The following GCNT2 variants were observed in gnomAD, a reference collection of about 807,000 sequenced individuals.
GCNT2 encodes the protein glucosaminyl (N-acetyl) transferase 2 (I blood group).
Under a neutral mutation model 34.2 loss-of-function variants are expected in GCNT2, and 34 were observed. The observed-to-expected ratio is 1.00, with a 90% CI of 0.76 to 1.32. The LOEUF (loss-of-function observed/expected upper bound fraction) is 1.32, where lower values mean the gene tolerates loss of function less well. Among genes scored for constraint, GCNT2 ranks in the 40% most tolerant of loss-of-function variants. GCNT2 has a pLI of 0.00. For synonymous variants in GCNT2, 212 were observed against 188.0 expected (o/e 1.13, Z -1.04); for missense variants, 584 against 489.4 (o/e 1.19, Z -1.82).
chr6:10,537,940 G>A (rs1761849380), intron 3 of GCNT2, among the ~76,000 whole-genome samples: 1 of 151,888 alleles, frequency 6.6e-6, no homozygotes, highest in Admixed American at 6.6e-5. Flanking sequence ...AGTCTCAGTT[G>A]TTTACCCTCA....
At chr6:10,585,032 A>AGTGT (rs57538079) in intron 3 of GCNT2, among the ~76,000 whole-genome samples, 1,612 of 127,462 alleles carry the variant, frequency 0.013, 14 homozygotes, top group African/African-American at 0.02. Flanking sequence ...TCCCATAGTC[A>AGTGT]GTGTGTGTGT....
intron 3 of GCNT2, among the ~76,000 whole-genome samples, chr6:10,603,962 C>T (rs1176934085): frequency 2.0e-5 from 3 of 151,096 alleles, no homozygotes; most frequent in African/African-American, 7.3e-5. Context: ...GTGGTGCAAT[C>T]TTGGCTCACT....
intron 3 of GCNT2, chr6:10,557,352 A>G: frequency 6.2e-7 from 1 of 1,600,526 alleles, no homozygotes; most frequent in Non-Finnish European, 8.6e-7. Flanking sequence ...GGTACGTACA[A>G]TTCCATATTT....
intron 3 of GCNT2, among the ~76,000 whole-genome samples, chr6:10,531,520 G>A (rs1761487760): frequency 1.3e-5 from 2 of 152,194 alleles, no homozygotes; most frequent in Non-Finnish European, 2.9e-5. Context: ...CAGCTTCCAA[G>A]TGATTCTCAT....
intron 3 of GCNT2, among the ~76,000 whole-genome samples, chr6:10,610,675 A>G (rs1765510315): frequency 6.6e-6 from 1 of 152,206 alleles, no homozygotes; most frequent in African/African-American, 2.4e-5. Context: ...TATCCCATTC[A>G]TGGCTTTACC....
At chr6:10,554,561 T>C (rs561534384) in intron 3 of GCNT2, among the ~76,000 whole-genome samples, 2 of 152,332 alleles carry the variant, frequency 1.3e-5, no homozygotes, top group African/African-American at 4.8e-5. Context: ...TGTAACTATT[T>C]TAATGTTCAT....
intron 3 of GCNT2, among the ~76,000 whole-genome samples, chr6:10,540,240 G>T (rs1477767741): frequency 6.6e-6 from 1 of 152,166 alleles, no homozygotes; most frequent in Non-Finnish European, 1.5e-5. Context: ...CTGTAGTCTT[G>T]TACCAGGAAG....
At chr6:10,578,092 A>G (rs911315225) in intron 3 of GCNT2, among the ~76,000 whole-genome samples, 6 of 152,146 alleles carry the variant, frequency 3.9e-5, no homozygotes, top group Middle Eastern at 6.8e-3. Context: ...TTTCAGTGGT[A>G]AAGAGTAGAT....
intron 3 of GCNT2, among the ~76,000 whole-genome samples, chr6:10,584,581 A>G (rs1313481359): frequency 6.6e-6 from 1 of 152,010 alleles, no homozygotes; most frequent in East Asian, 1.9e-4. Flanking sequence ...CAGTGGGGGG[A>G]AACCTGGACA....
intron 3 of GCNT2, among the ~76,000 whole-genome samples, chr6:10,575,678 C>T (rs1561811507): frequency 1.3e-5 from 2 of 151,954 alleles, no homozygotes; most frequent in South Asian, 2.1e-4. Context: ...CCACCTTTAA[C>T]TGATGACATT....
At chr6:10,537,669 C>T (rs1348352754) in intron 3 of GCNT2, among the ~76,000 whole-genome samples, 1 of 133,518 alleles carries the variant, frequency 7.5e-6, no homozygotes, top group East Asian at 2.3e-4. Context: ...CCACTGCACT[C>T]CAACCTGGGC....
intron 3 of GCNT2, among the ~76,000 whole-genome samples, chr6:10,530,947 A>T: frequency 6.6e-6 from 1 of 151,174 alleles, no homozygotes; most frequent in East Asian, 2.0e-4. Flanking sequence ...CCAGCTTCTC[A>T]GAAGGCTGAG....
intron 3 of GCNT2, chr6:10,530,075 A>C: frequency 2.1e-6 from 1 of 474,456 alleles, no homozygotes; most frequent in South Asian, 2.3e-5. Context: ...TATAAATAAA[A>C]ACGTGACCGA....
At chr6:10,544,958 A>AAAT (rs1023175248) in intron 3 of GCNT2, among the ~76,000 whole-genome samples, 16 of 151,862 alleles carry the variant, frequency 1.1e-4, no homozygotes, top group African/African-American at 3.4e-4. Context: ...ATAAATAAAT[A>AAAT]AATAAATAAA....
rs1024979349 is a variant in GCNT2 at position 10,588,410 on chromosome 6, C to T, written c.926-32941C>T. Among the ~76,000 whole-genome samples, 3 of 152,262 alleles carry T rather than the reference C, an allele frequency of 2.0e-5. No homozygotes were observed. In the East Asian group the frequency reaches 5.8e-4, roughly 29 times the overall value. ...ATAGGAAGTCATCGTGTTAGCCTCA[C>T]GTACAGATGAAAAACATGAGGCTTA... On this transcript the variant is annotated intron_variant, in intron 3 of 4. Coordinates refer to ENST00000495262, the MANE Select transcript of GCNT2 (RefSeq NM_145649.5).
chr6:10,530,971 T>C (rs1365128905), intron 3 of GCNT2, among the ~76,000 whole-genome samples: 1 of 151,334 alleles, frequency 6.6e-6, no homozygotes, highest in African/African-American at 2.4e-5. Flanking sequence ...GTAGAATCGC[T>C]TGAACCCAGG....
chr6:10,537,378 A>T (rs1761808870), intron 3 of GCNT2, among the ~76,000 whole-genome samples: 1 of 152,132 alleles, frequency 6.6e-6, no homozygotes, highest in Non-Finnish European at 1.5e-5. Flanking sequence ...CAAGAAACTC[A>T]TCGCAAGTGG....
Position 10,597,702 on chromosome 6 carries a change from T to C in GCNT2, c.926-23649T>C, listed in dbSNP as rs1764916825. Reference sequence around the variant, plus strand: ...GTCTTGAACTCCTGGGCTCAAGCAATCCTCTCACCTTGTCCTCCCAGAGTG... The same window carrying C: ...GTCTTGAACTCCTGGGCTCAAGCAACCCTCTCACCTTGTCCTCCCAGAGTG... On this transcript the variant is annotated intron_variant, in intron 3 of 4. Coordinates refer to ENST00000495262, the MANE Select transcript of GCNT2 (RefSeq NM_145649.5). 2.6e-5 allele frequency among the ~76,000 whole-genome samples: 4 copies of C among 151,958 alleles called. No homozygotes were observed. The South Asian group carries it at 8.3e-4, about 32-fold the overall frequency.
chr6:10,586,681 A>G (rs370612113), intron 3 of GCNT2: 2 of 1,614,030 alleles, frequency 1.2e-6, no homozygotes, highest in African/African-American at 1.3e-5. Flanking sequence ...CGAACTAAAT[A>G]TGTCCACCAA....
Sources: allele counts gnomAD v4.1 joint callset (sites outside exome capture counted in the v4.1 genomes callset), GRCh38; gene constraint gnomAD v4.1.1; transcripts MANE v1.5; gene names NCBI Gene and HGNC (gene_info 2026-07-23, HGNC 2026-07-21).